The following STK32B variants were observed in gnomAD, a reference collection of about 807,000 sequenced individuals.
STK32B encodes the protein serine/threonine-protein kinase 32B.
STK32B carries 43 observed loss-of-function variants against 52.6 expected under a neutral mutation model. That is an observed-to-expected ratio of 0.82 (90% confidence interval 0.64 to 1.05). STK32B has a LOEUF of 1.05. Ranked by LOEUF, STK32B falls within the 50% of genes least tolerant of loss-of-function variation. The pLI, the probability that STK32B is intolerant of heterozygous loss-of-function variation, is 0.00. For missense variants in STK32B, 621 were observed against 534.6 expected (o/e 1.16, Z -1.59); for synonymous variants, 238 against 204.3 (o/e 1.17, Z -1.41).
chr4:5,458,283 CATGGAGCTGAGTCTTGT>C (rs749880330), intron 8 of STK32B, among the ~76,000 whole-genome samples: 98 of 152,290 alleles, frequency 6.4e-4, no homozygotes, highest in Admixed American at 2.1e-3. Flanking sequence ...CTGAGTCTTG[CATGGAGCTGAGTCTTGT>C]GTGAGGTTGG....
chr4:5,480,089 T>C (rs1298874456), intron 11 of STK32B, among the ~76,000 whole-genome samples: 1 of 152,028 alleles, frequency 6.6e-6, no homozygotes, highest in African/African-American at 2.4e-5. Flanking sequence ...TCGGTGACAG[T>C]CAGCACTACC....
At chr4:5,456,420 G>C (rs1313984670) in intron 7 of STK32B, among the ~76,000 whole-genome samples, 1 of 152,254 alleles carries the variant, frequency 6.6e-6, no homozygotes, top group African/African-American at 2.4e-5. Context: ...CCCAGCAAGT[G>C]GGGGCTATGA....
intron 3 of STK32B, among the ~76,000 whole-genome samples, chr4:5,236,522 C>T (rs776597988): frequency 5.9e-5 from 9 of 152,150 alleles, no homozygotes; most frequent in Non-Finnish European, 1.0e-4. Context: ...TTGTGACTTC[C>T]AACTGCATCA....
At chr4:5,031,907 C>A in the STK32B span, among the ~76,000 whole-genome samples, 1 of 152,140 alleles carries the variant, frequency 6.6e-6, no homozygotes, top group Admixed American at 6.5e-5. Flanking sequence ...TCGCTCTCAC[C>A]AGATCTGTGT....
In STK32B at chr4:5,195,390, C is replaced by T. The variant is rs138085352; in HGVS notation, c.260+26940C>T. Among the ~76,000 whole-genome samples the T allele has an allele frequency of 1.4e-3, 209 of 152,222 alleles. 1 individual carries two copies. The highest frequency in any genetic ancestry group is 4.7e-3 in the African/African-American group (195 of 41,536). On this transcript the variant is annotated intron_variant, in intron 3 of 11. Coordinates refer to ENST00000282908, the MANE Select transcript of STK32B (RefSeq NM_018401.3). ...CTGCTGCTCCTGGGCACTTTTCAAC[C>T]AGTAAAAGAATATTAGAATGGGCCG...
At chr4:5,052,007 C>T in intron 1 of STK32B, 92 bp downstream of exon 1, 3 of 1,529,644 alleles carry the variant, frequency 2.0e-6, no homozygotes, top group Non-Finnish European at 2.7e-6. Flanking sequence ...CGCATGCTGC[C>T]CGGCGCGGGG....
chr4:5,490,226 C>G (rs1210197166), intron 11 of STK32B, among the ~76,000 whole-genome samples: 1 of 151,962 alleles, frequency 6.6e-6, no homozygotes, highest in East Asian at 1.9e-4. Context: ...CCTGCCTCAG[C>G]CTCCCGAGTA....
At chr4:5,152,538 T>C (rs1717455378) in intron 2 of STK32B, among the ~76,000 whole-genome samples, 1 of 152,254 alleles carries the variant, frequency 6.6e-6, no homozygotes, top group Non-Finnish European at 1.5e-5. Flanking sequence ...AAAGGGTTTC[T>C]GATCAAGCCA....
At chr4:5,065,144 G>C (rs992973732) in intron 1 of STK32B, among the ~76,000 whole-genome samples, 2 of 152,026 alleles carry the variant, frequency 1.3e-5, no homozygotes, top group African/African-American at 2.4e-5. Context: ...CAGTCACTCT[G>C]TGTCAGTCAG....
At chr4:5,447,990 A>G (rs987153907) in intron 7 of STK32B, among the ~76,000 whole-genome samples, 2 of 152,234 alleles carry the variant, frequency 1.3e-5, no homozygotes, top group African/African-American at 2.4e-5. Context: ...CCTTGAGGGC[A>G]TGATGGTGTC....
intron 7 of STK32B, among the ~76,000 whole-genome samples, chr4:5,448,165 A>G (rs1218720177): frequency 2.6e-5 from 4 of 152,266 alleles, no homozygotes; most frequent in African/African-American, 9.6e-5. Context: ...TCTTGATCTC[A>G]GTTATTTCCC....
At chr4:5,238,940 T>C (rs1724816159) in intron 3 of STK32B, among the ~76,000 whole-genome samples, 1 of 152,242 alleles carries the variant, frequency 6.6e-6, no homozygotes, top group South Asian at 2.1e-4. Flanking sequence ...AGAGGTACTA[T>C]GGAAAGTAGA....
At chr4:5,035,526 AC>A in the STK32B span, among the ~76,000 whole-genome samples, 1 of 152,118 alleles carries the variant, frequency 6.6e-6, no homozygotes, top group African/African-American at 2.4e-5. Flanking sequence ...ATGTGCCTGC[AC>A]CTAACCATAG....
chr4:5,471,913 C>G (rs1397156117), intron 11 of STK32B, among the ~76,000 whole-genome samples: 1 of 152,192 alleles, frequency 6.6e-6, no homozygotes, highest in Non-Finnish European at 1.5e-5. Flanking sequence ...ATGGTTTTAG[C>G]AAAAGCCTAC....
intron 6 of STK32B, among the ~76,000 whole-genome samples, chr4:5,427,936 C>T (rs1713237481): frequency 6.6e-6 from 1 of 151,128 alleles, no homozygotes; most frequent in Non-Finnish European, 1.5e-5. Flanking sequence ...CTTCTCTCTG[C>T]TTACTTTGAA....
intron 3 of STK32B, among the ~76,000 whole-genome samples, chr4:5,220,610 G>A (rs148255916): frequency 3.9e-5 from 6 of 152,338 alleles, no homozygotes; most frequent in South Asian, 4.1e-4. Context: ...GAAAGGCAGG[G>A]AGAAGGTCAC....
chr4:5,441,586 T>C (rs1229314594), intron 6 of STK32B, among the ~76,000 whole-genome samples: 1 of 151,754 alleles, frequency 6.6e-6, no homozygotes, highest in African/African-American at 2.4e-5. Flanking sequence ...TGAAGGGTTT[T>C]TTGTGTCTCT....
intron 1 of STK32B, among the ~76,000 whole-genome samples, chr4:5,095,313 T>G (rs969074025): frequency 1.8e-4 from 28 of 152,284 alleles, no homozygotes; most frequent in African/African-American, 6.0e-4. Flanking sequence ...ATAAATTACC[T>G]TTTAAAAATG....
At chr4:5,449,936 A>C (rs1345783954) in intron 7 of STK32B, among the ~76,000 whole-genome samples, 4 of 152,182 alleles carry the variant, frequency 2.6e-5, no homozygotes, top group African/African-American at 9.7e-5. Flanking sequence ...ATAATTATTT[A>C]ATTATATATT....
Sources: allele counts gnomAD v4.1 joint callset (sites outside exome capture counted in the v4.1 genomes callset), GRCh38; gene constraint gnomAD v4.1.1; transcripts MANE v1.5; gene names NCBI Gene and HGNC (gene_info 2026-07-23, HGNC 2026-07-21).